SPIDR: variants seen among roughly 807,000 people sequenced by gnomAD.
SPIDR encodes the protein scaffold protein involved in DNA repair, also known as DNA repair-scaffolding protein.
A neutral mutation model predicts 104.6 loss-of-function variants in SPIDR; 93 were observed. The ratio of observed to expected loss-of-function variants is 0.89; its 90% CI spans 0.75 to 1.06. SPIDR has a LOEUF of 1.06. SPIDR is among the 50% of genes least tolerant of loss of function. The pLI, the probability that SPIDR is intolerant of heterozygous loss-of-function variation, is 0.00. For missense variants in SPIDR, 1,154 were observed against 1,111.2 expected, an observed-to-expected ratio of 1.04 and a Z score of -0.55; for synonymous variants, 431 against 416.9, an observed-to-expected ratio of 1.03 and a Z score of -0.41.
chr8:47,321,088 G>C (rs1453225890), intron 5 of SPIDR, among the ~76,000 whole-genome samples: 1 of 152,120 alleles, frequency 6.6e-6, no homozygotes, highest in Non-Finnish European at 1.5e-5. Context: ...TGGAAGTTCT[G>C]GCCAGGGCAA....
At chr8:47,365,013 C>T (rs1433142545) in intron 5 of SPIDR, among the ~76,000 whole-genome samples, 1 of 152,228 alleles carries the variant, frequency 6.6e-6, no homozygotes, top group African/African-American at 2.4e-5. Flanking sequence ...GCATGTACAG[C>T]ACAGCATCTG....
At chr8:47,397,207 A>T (rs2061340689) in intron 6 of SPIDR, among the ~76,000 whole-genome samples, 1 of 152,132 alleles carries the variant, frequency 6.6e-6, no homozygotes, top group African/African-American at 2.4e-5. Flanking sequence ...AATGAAGGTA[A>T]GAAAGAGAGG....
intron 8 of SPIDR, among the ~76,000 whole-genome samples, chr8:47,517,232 C>T (rs150884864): frequency 3.3e-5 from 5 of 152,230 alleles, no homozygotes; most frequent in East Asian, 1.9e-4. Flanking sequence ...GTGATCAACC[C>T]GTCTCGACCT....
At chr8:47,554,699 C>T (rs993104793) in intron 8 of SPIDR, among the ~76,000 whole-genome samples, 44 of 152,312 alleles carry the variant, frequency 2.9e-4, no homozygotes, top group African/African-American at 9.1e-4. Context: ...TTGCGCTTCC[C>T]GGGTGAGGCA....
chr8:47,294,166 T>A (rs1472744602), intron 5 of SPIDR, 136 bp downstream of exon 5: 1 of 1,094,114 alleles, frequency 9.1e-7, no homozygotes, highest in African/African-American at 1.6e-5. Flanking sequence ...ATTCTTTTGT[T>A]CTTTACTCAC....
chr8:47,415,981 C>T (rs1554675064), intron 7 of SPIDR, among the ~76,000 whole-genome samples: 3 of 152,216 alleles, frequency 2.0e-5, no homozygotes, highest in Admixed American at 6.5e-5. Flanking sequence ...TAAAAATGCT[C>T]ACACCTGTAA....
intron 10 of SPIDR, among the ~76,000 whole-genome samples, chr8:47,622,864 G>C (rs1291765992): frequency 6.6e-6 from 1 of 152,078 alleles, no homozygotes; most frequent in Non-Finnish European, 1.5e-5. Context: ...ACCCTCTTTG[G>C]TTTATTCTTG....
intron 8 of SPIDR, among the ~76,000 whole-genome samples, chr8:47,469,340 C>T (rs1476113867): frequency 1.3e-5 from 2 of 152,136 alleles, no homozygotes; most frequent in East Asian, 3.8e-4. Context: ...TCAGAACTCT[C>T]ATTTGACTCA....
intron 8 of SPIDR, among the ~76,000 whole-genome samples, chr8:47,487,185 A>G (rs2077785780): frequency 4.7e-4 from 1 of 2,116 alleles, no homozygotes; most frequent in Non-Finnish European, 4.5e-3. Context: ...AACAAAACAA[A>G]ACAAAAAGGG....
chr8:47,559,428 A>G (rs992532194), intron 8 of SPIDR, among the ~76,000 whole-genome samples: 12 of 152,192 alleles, frequency 7.9e-5, no homozygotes, highest in African/African-American at 2.9e-4. Context: ...AGTTGACCAG[A>G]TTGGAACACA....
At chr8:47,418,727 C>G (rs2064840831) in intron 7 of SPIDR, among the ~76,000 whole-genome samples, 1 of 152,152 alleles carries the variant, frequency 6.6e-6, no homozygotes, top group Non-Finnish European at 1.5e-5. Flanking sequence ...CCAGTTTTTG[C>G]CCATTCAGCA....
chr8:47,578,554 C>T (rs1048143860), intron 8 of SPIDR, among the ~76,000 whole-genome samples: 3 of 152,120 alleles, frequency 2.0e-5, no homozygotes, highest in African/African-American at 2.4e-5. Context: ...TCAGCCATAG[C>T]GCTATGCTAC....
At chr8:47,359,887 T>C (rs1162512559) in intron 5 of SPIDR, among the ~76,000 whole-genome samples, 1 of 152,190 alleles carries the variant, frequency 6.6e-6, no homozygotes, top group African/African-American at 2.4e-5. Flanking sequence ...TCTACATATG[T>C]ATGCATGTAT....
intron 8 of SPIDR, among the ~76,000 whole-genome samples, chr8:47,489,281 A>T (rs1564118538): frequency 1.3e-5 from 2 of 152,234 alleles, no homozygotes; most frequent in African/African-American, 4.8e-5. Flanking sequence ...AATACCTGGG[A>T]ATCCAACTTA....
chr8:47,313,368 C>T (rs1237330799), intron 5 of SPIDR, among the ~76,000 whole-genome samples: 7 of 152,090 alleles, frequency 4.6e-5, no homozygotes, highest in Admixed American at 1.3e-4. Flanking sequence ...ACGTGAAGGA[C>T]CTCTTCAAGG....
At chr8:47,302,355 TTC>T (rs2154248453) in intron 5 of SPIDR, among the ~76,000 whole-genome samples, 1 of 117,176 alleles carries the variant, frequency 8.5e-6, no homozygotes, top group African/African-American at 5.6e-5. Flanking sequence ...TCTCGTTTTT[TTC>T]CAAGATTTTT....
intron 8 of SPIDR, among the ~76,000 whole-genome samples, chr8:47,566,752 C>T (rs182482620): frequency 5.9e-5 from 9 of 152,052 alleles, no homozygotes; most frequent in Admixed American, 3.9e-4. Flanking sequence ...CAACATTAGG[C>T]ACCGAGAAGT....
chr8:47,371,527 C>T (rs576686811), intron 5 of SPIDR, among the ~76,000 whole-genome samples: 2 of 152,228 alleles, frequency 1.3e-5, no homozygotes, highest in East Asian at 3.9e-4. Flanking sequence ...TTCTCATATG[C>T]TCACATGGCA....
chr8:47,625,987 A>G (rs1383644921), intron 10 of SPIDR, among the ~76,000 whole-genome samples: 3 of 152,218 alleles, frequency 2.0e-5, no homozygotes, highest in Non-Finnish European at 4.4e-5. Context: ...ACTTCAAACT[A>G]TACTACAAGG....
Sources: allele counts gnomAD v4.1 joint callset (sites outside exome capture counted in the v4.1 genomes callset), GRCh38; gene constraint gnomAD v4.1.1; transcripts MANE v1.5; gene names NCBI Gene and HGNC (gene_info 2026-07-23, HGNC 2026-07-21).